Variants in KCNT2 observed in about 807,000 individuals in gnomAD.
KCNT2 encodes the protein potassium sodium-activated channel subfamily T member 2.
A neutral mutation model predicts 153.8 loss-of-function variants in KCNT2; 67 were observed. The ratio of observed to expected loss-of-function variants is 0.44; its 90% CI spans 0.36 to 0.53. The LOEUF is 0.53. Among genes scored for constraint, KCNT2 ranks in the 20% least tolerant of loss-of-function variants. KCNT2 has a pLI of 0.00. For synonymous variants in KCNT2, 500 were observed against 458.8 expected (o/e 1.09, Z -1.15); for missense variants, 975 against 1,354.8 (o/e 0.72, Z 4.40).
At chr1:196,467,911 AT>A (rs1180145219) in intron 6 of KCNT2, 125 bp from the exon 7 acceptor site, 5 of 482,124 alleles carry the variant, frequency 1.0e-5, no homozygotes, top group Non-Finnish European at 1.9e-5. Flanking sequence ...ATGACAAATA[AT>A]GTAAACTCAC....
At chr1:196,406,351 A>G (rs1671827761) in intron 12 of KCNT2, among the ~76,000 whole-genome samples, 1 of 151,528 alleles carries the variant, frequency 6.6e-6, no homozygotes, top group Non-Finnish European at 1.5e-5. Flanking sequence ...ATATATACTT[A>G]TTTTAAATAC....
At chr1:196,594,368 A>G (rs1478128167) in intron 1 of KCNT2, among the ~76,000 whole-genome samples, 1 of 152,150 alleles carries the variant, frequency 6.6e-6, no homozygotes, top group African/African-American at 2.4e-5. Flanking sequence ...TTTTGTTTCT[A>G]AGGGGGATCA....
At chr1:196,368,422 G>A (rs973425209) in intron 14 of KCNT2, among the ~76,000 whole-genome samples, 2 of 152,088 alleles carry the variant, frequency 1.3e-5, no homozygotes, top group South Asian at 2.1e-4. Flanking sequence ...TGTGCAATAG[G>A]ACTTCCATTA....
At chr1:196,244,958 G>A (rs1655302449) in intron 26 of KCNT2, among the ~76,000 whole-genome samples, 1 of 152,100 alleles carries the variant, frequency 6.6e-6, no homozygotes, top group African/African-American at 2.4e-5. Flanking sequence ...TGGCCAGAGG[G>A]GTGCTTGTGT....
At chr1:196,446,695 G>C (rs1297596812) in intron 8 of KCNT2, among the ~76,000 whole-genome samples, 1 of 151,498 alleles carries the variant, frequency 6.6e-6, no homozygotes. Flanking sequence ...CAAGTACTTT[G>C]TTTATTCAGG....
intron 1 of KCNT2, among the ~76,000 whole-genome samples, chr1:196,565,476 C>T (rs910053489): frequency 3.3e-5 from 5 of 151,638 alleles, no homozygotes. Context: ...TGAAAAAATA[C>T]CTGCACTACT....
intron 1 of KCNT2, among the ~76,000 whole-genome samples, chr1:196,502,827 A>C (rs915430000): frequency 1.3e-5 from 2 of 152,170 alleles, no homozygotes; most frequent in African/African-American, 4.8e-5. Flanking sequence ...AAAATAATTA[A>C]ATCCAAGCAA....
chr1:196,365,049 T>A (rs1425209196), intron 14 of KCNT2, among the ~76,000 whole-genome samples: 6 of 152,098 alleles, frequency 3.9e-5, no homozygotes, highest in Non-Finnish European at 8.8e-5. Context: ...TATACATTCA[T>A]ATCATAGACC....
chr1:196,262,359 C>T (rs971386094), intron 25 of KCNT2, among the ~76,000 whole-genome samples: 3 of 151,928 alleles, frequency 2.0e-5, no homozygotes, highest in Admixed American at 6.6e-5. Flanking sequence ...GGACTCATGA[C>T]TCCCTTAAGG....
chr1:196,318,279 G>A (rs1000987508), intron 20 of KCNT2, among the ~76,000 whole-genome samples: 5 of 151,652 alleles, frequency 3.3e-5, no homozygotes, highest in African/African-American at 1.2e-4. Flanking sequence ...CATTCAAAGA[G>A]GTATTTTTAA....
At chr1:196,337,627 G>A (rs929061083) in intron 16 of KCNT2, among the ~76,000 whole-genome samples, 4 of 152,166 alleles carry the variant, frequency 2.6e-5, no homozygotes, top group South Asian at 2.1e-4. Flanking sequence ...ACCCCAGCCA[G>A]GCTCCCACTT....
intron 18 of KCNT2, among the ~76,000 whole-genome samples, chr1:196,327,374 G>A (rs928929986): frequency 1.3e-5 from 2 of 150,930 alleles, no homozygotes; most frequent in Non-Finnish European, 2.9e-5. Flanking sequence ...GAGCTGGCAC[G>A]ATAATGATTC....
intron 27 of KCNT2, among the ~76,000 whole-genome samples, chr1:196,232,859 T>C (rs567837476): frequency 5.9e-5 from 9 of 151,430 alleles, no homozygotes; most frequent in Non-Finnish European, 1.2e-4. Flanking sequence ...GAAATGATTG[T>C]ATTAAGCTTA....
intron 1 of KCNT2, among the ~76,000 whole-genome samples, chr1:196,601,013 T>C (rs959634329): frequency 2.0e-5 from 3 of 152,204 alleles, no homozygotes; most frequent in Non-Finnish European, 2.9e-5. Flanking sequence ...TCTCCATAGC[T>C]ATGGATAGCT....
At chr1:196,296,728 T>C (rs1660706877) in intron 22 of KCNT2, among the ~76,000 whole-genome samples, 1 of 152,098 alleles carries the variant, frequency 6.6e-6, no homozygotes, top group Non-Finnish European at 1.5e-5. Context: ...TTGGCTTTAA[T>C]GTTTTGAAAT....
chr1:196,373,144 C>A lies in KCNT2; in HGVS notation c.1399G>T (p.Gly467Trp). The A allele has an allele frequency of 7.0e-7, 1 of 1,432,608 alleles. No homozygotes were observed. The highest frequency in any genetic ancestry group is 9.8e-7 in the Non-Finnish European group (1 of 1,019,406). 88.7% of individuals were successfully genotyped at this position (1,432,608 alleles called of 1,614,324 possible). A position where few individuals can be genotyped will look rare whatever the true frequency, so the allele number is the denominator to read the frequency against. The change falls in exon 14 of 28, where the codon GGG becomes TGG. Residue 467 changes from glycine (G) to tryptophan (W), a missense_variant. This residue lies in a region of KCNT2 where 325 missense variants were observed against 388.1 expected (regional missense o/e 0.84). Coordinates refer to ENST00000294725, the MANE Select transcript of KCNT2 (RefSeq NM_198503.5). The stretch of plus-strand genomic sequence containing the variant: ...TTAAAGAAAAAATATACTTACTGCC[C>A]TCTAGAGGTATGAACCAGTAGTGTA... ...LITLLVHTSRGQEGQQSPEQW... is the reference protein window; with the variant it reads ...LITLLVHTSRWQEGQQSPEQW...
intron 1 of KCNT2, among the ~76,000 whole-genome samples, chr1:196,528,093 A>T (rs898173150): frequency 2.0e-5 from 3 of 152,228 alleles, no homozygotes; most frequent in Admixed American, 2.0e-4. Flanking sequence ...CCAGATCACA[A>T]ATTAAAACCT....
chr1:196,415,222 T>C (rs558763414), intron 12 of KCNT2, among the ~76,000 whole-genome samples: 4 of 151,928 alleles, frequency 2.6e-5, no homozygotes, highest in African/African-American at 9.6e-5. Flanking sequence ...ATTTATTAAC[T>C]TTTGGGGAAT....
intron 3 of KCNT2, 96 bp from the exon 4 acceptor site, chr1:196,482,475 G>A (rs1679094149): frequency 1.2e-5 from 7 of 590,178 alleles, no homozygotes; most frequent in African/African-American, 2.0e-5. Context: ...AAATATGCTA[G>A]CATAAAAAGA....
Sources: gnomAD v4.1 joint callset for allele counts (sites outside exome capture counted in the v4.1 genomes callset) on GRCh38, gnomAD v4.1.1 for gene constraint, gnomAD v4.1.1 regional missense constraint, MANE v1.5 for transcripts, NCBI Gene and HGNC (gene_info 2026-07-23, HGNC 2026-07-21) for gene names.